The following FAM13B variants were observed in gnomAD, a reference collection of about 807,000 sequenced individuals.
The protein encoded by FAM13B is protein FAM13B.
A neutral mutation model predicts 117.3 loss-of-function variants in FAM13B; 60 were observed. The observed-to-expected ratio is 0.51, with a 90% confidence interval of 0.42 to 0.63. The LOEUF (loss-of-function observed/expected upper bound fraction) is 0.63. Ranked by LOEUF, FAM13B falls within the 30% of genes least tolerant of loss-of-function variation. The pLI is 0.00. For synonymous variants in FAM13B, 332 were observed against 356.1 expected, an observed-to-expected ratio of 0.93 and a Z score of 0.76; for missense variants, 972 against 1,091.9, an observed-to-expected ratio of 0.89 and a Z score of 1.55.
Position 137,938,818 on chromosome 5 carries a change from GAATA to G in FAM13B, c.*1403_*1406del, listed in dbSNP as rs1348075670. The G allele has an allele frequency of 6.6e-6, 1 of 152,382 alleles. No individual in the cohort carries two copies. The highest frequency in any genetic ancestry group is 1.5e-5 in the Non-Finnish European group (1 of 68,020). The allele number at this position is 152,382 out of a possible 1,614,324, so 9.4% of individuals were successfully genotyped here. A position where few individuals can be genotyped will look rare whatever the true frequency, so the allele number is the denominator to read the frequency against. On this transcript the variant is annotated 3_prime_UTR_variant, in exon 24 of 24. Coordinates refer to ENST00000689681, the MANE Select transcript of FAM13B (RefSeq NM_001385994.1). ...TGTTGCAAAATTCCATTTTTATATG[GAATA>G]AATTGTTAATATTAGCTAGTTAAGA...
upstream of FAM13B, among the ~76,000 whole-genome samples, chr5:138,033,280 C>G (rs900140695): frequency 6.6e-6 from 1 of 152,198 alleles, no homozygotes; most frequent in African/African-American, 2.4e-5. Context: ...CATCCCGGGG[C>G]GGGTTGTGGG....
chr5:138,022,690 C>G (rs1787085079), intron 1 of FAM13B, among the ~76,000 whole-genome samples: 1 of 152,154 alleles, frequency 6.6e-6, no homozygotes, highest in Non-Finnish European at 1.5e-5. Context: ...CTGATATCCT[C>G]ATGACATAAA....
intron 16 of FAM13B, 150 bp downstream of exon 16, chr5:137,953,186 A>T: frequency 1.2e-6 from 1 of 810,856 alleles, no homozygotes; most frequent in Non-Finnish European, 1.9e-6. Context: ...CCAAGGAGTT[A>T]TATAATCTCA....
intron 10 of FAM13B, among the ~76,000 whole-genome samples, chr5:137,969,158 G>A (rs953899952): frequency 2.0e-5 from 3 of 152,260 alleles, no homozygotes; most frequent in African/African-American, 7.2e-5. Flanking sequence ...CTGGGGGGCA[G>A]GGCACAGACA....
chr5:138,000,434 A>G (rs978910825), intron 7 of FAM13B, among the ~76,000 whole-genome samples: 2 of 152,096 alleles, frequency 1.3e-5, no homozygotes, highest in South Asian at 4.1e-4. Context: ...ATTTTTTCTC[A>G]GTTTTAATTC....
chr5:138,034,485 TAAG>T (rs1280539175), upstream of FAM13B, among the ~76,000 whole-genome samples: 1 of 152,142 alleles, frequency 6.6e-6, no homozygotes, highest in Admixed American at 6.5e-5. Flanking sequence ...ACATACCCAA[TAAG>T]AAGGGATTGT....
At chr5:138,048,614 C>T (rs1056667293) in intron 1 of FAM13B, among the ~76,000 whole-genome samples, 2 of 152,164 alleles carry the variant, frequency 1.3e-5, no homozygotes, top group Non-Finnish European at 2.9e-5. Context: ...TCCCTCTCCC[C>T]TTGGTAAGGC....
intron 11 of FAM13B, 58 bp from the exon 12 acceptor site, chr5:137,960,272 A>G: frequency 2.0e-6 from 2 of 1,020,144 alleles, no homozygotes; most frequent in Non-Finnish European, 2.9e-6. Context: ...CTATCATTAT[A>G]TATTTCTTAC....
At chr5:138,013,823 TAACA>T (rs1442180343) in intron 4 of FAM13B, among the ~76,000 whole-genome samples, 1 of 152,240 alleles carries the variant, frequency 6.6e-6, no homozygotes, top group Non-Finnish European at 1.5e-5. Flanking sequence ...AAATTCTACC[TAACA>T]TTCTCTCCAG....
intron 16 of FAM13B, 152 bp downstream of exon 16, chr5:137,953,184 T>A: frequency 1.3e-6 from 1 of 782,928 alleles, no homozygotes; most frequent in Non-Finnish European, 2.0e-6. Context: ...GACCAAGGAG[T>A]TATATAATCT....
chr5:137,957,472 G>A (rs530962976), intron 13 of FAM13B, among the ~76,000 whole-genome samples: 4 of 150,692 alleles, frequency 2.7e-5, no homozygotes, highest in Non-Finnish European at 5.9e-5. Flanking sequence ...CCTGCGAGGC[G>A]GAAGTTGCGG....
At chr5:138,020,426 T>C (rs994468491) in intron 2 of FAM13B, among the ~76,000 whole-genome samples, 4 of 152,194 alleles carry the variant, frequency 2.6e-5, no homozygotes, top group African/African-American at 9.7e-5. Flanking sequence ...GAAGAAATAG[T>C]TATTTGTCCT....
intron 10 of FAM13B, among the ~76,000 whole-genome samples, chr5:137,980,106 G>A (rs1775242336): frequency 6.6e-6 from 1 of 151,206 alleles, no homozygotes; most frequent in South Asian, 2.1e-4. Flanking sequence ...CTAGGAGACG[G>A]AGGTTGCACT....
chr5:137,978,613 T>G (rs2150488608), intron 10 of FAM13B, among the ~76,000 whole-genome samples: 1 of 152,278 alleles, frequency 6.6e-6, no homozygotes, highest in East Asian at 1.9e-4. Flanking sequence ...TTTTTCCTCC[T>G]TTTACCTCTC....
intron 1 of FAM13B, among the ~76,000 whole-genome samples, chr5:138,021,800 G>A (rs1786803222): frequency 6.6e-6 from 1 of 152,002 alleles, no homozygotes. Flanking sequence ...TCTGAGCCTA[G>A]GTTTCTTTAT....
intron 7 of FAM13B, among the ~76,000 whole-genome samples, chr5:137,989,148 A>AC (rs1290056317): frequency 6.6e-6 from 1 of 152,232 alleles, no homozygotes; most frequent in African/African-American, 2.4e-5. Context: ...CCTGAACACC[A>AC]CATCTGTAGC....
At chr5:137,948,172 T>C (rs1012963132) in intron 18 of FAM13B, among the ~76,000 whole-genome samples, 1 of 78,140 alleles carries the variant, frequency 1.3e-5, no homozygotes, top group African/African-American at 5.1e-5. Context: ...GGAAGAATAA[T>C]GGCTCTTCAA....
At chr5:138,050,961 T>C (rs957125178) in intron 1 of FAM13B, among the ~76,000 whole-genome samples, 1 of 152,046 alleles carries the variant, frequency 6.6e-6, no homozygotes, top group Non-Finnish European at 1.5e-5. Flanking sequence ...TTATAATACA[T>C]AGTCTTTAGG....
chr5:138,050,619 T>C (rs1791774971), intron 1 of FAM13B, among the ~76,000 whole-genome samples: 1 of 152,176 alleles, frequency 6.6e-6, no homozygotes, highest in African/African-American at 2.4e-5. Flanking sequence ...CTTTCTTTTT[T>C]TAAAATAGAG....
Sources: allele counts gnomAD v4.1 joint callset (sites outside exome capture counted in the v4.1 genomes callset), GRCh38; gene constraint gnomAD v4.1.1; transcripts MANE v1.5; gene names NCBI Gene and HGNC (gene_info 2026-07-23, HGNC 2026-07-21).